Variants in PBX3 observed in about 807,000 individuals in gnomAD.
PBX3 encodes the protein PBX homeobox 3.
Under a neutral mutation model 48.5 loss-of-function variants are expected in PBX3, and 14 were observed. That is an observed-to-expected ratio of 0.29 (90% CI 0.19 to 0.45). The LOEUF (loss-of-function observed/expected upper bound fraction) is 0.45, where lower values mean the gene tolerates loss of function less well. Ranked by LOEUF, PBX3 falls within the 20% of genes least tolerant of loss-of-function variation. The pLI, the probability that PBX3 is intolerant of heterozygous loss-of-function variation, is 1.00. For missense variants in PBX3, 386 were observed against 546.7 expected (o/e 0.71, Z 2.93); for synonymous variants, 210 against 200.3 (o/e 1.05, Z -0.41).
intron 2 of PBX3, among the ~76,000 whole-genome samples, chr9:125,788,104 C>A (rs1367285928): frequency 6.6e-6 from 1 of 152,074 alleles, no homozygotes; most frequent in Non-Finnish European, 1.5e-5. Flanking sequence ...AGTTAATAAC[C>A]AACAGTGGAT....
intron 5 of PBX3, among the ~76,000 whole-genome samples, chr9:125,944,824 T>G (rs368226461): frequency 3.9e-5 from 6 of 152,282 alleles, no homozygotes; most frequent in East Asian, 3.9e-4. Flanking sequence ...CAGACAAGCC[T>G]GAACTAAAAC....
chr9:125,818,304 A>G (rs867847685), intron 2 of PBX3, among the ~76,000 whole-genome samples: 6 of 152,056 alleles, frequency 3.9e-5, no homozygotes, highest in African/African-American at 1.4e-4. Flanking sequence ...TGAAGTTTGA[A>G]AATGAGCCTT....
At chr9:125,855,303 T>C (rs1490584636) in intron 2 of PBX3, among the ~76,000 whole-genome samples, 2 of 152,088 alleles carry the variant, frequency 1.3e-5, no homozygotes, top group African/African-American at 4.8e-5. Context: ...TTTATTAACT[T>C]TTTTTTACAG....
chr9:125,751,449 A>G (rs989949675), intron 2 of PBX3, among the ~76,000 whole-genome samples: 6 of 152,342 alleles, frequency 3.9e-5, no homozygotes, highest in Admixed American at 3.9e-4. Flanking sequence ...ACCATATATG[A>G]AAAGGTATTT....
Position 125,929,710 on chromosome 9 carries a change from C to T in PBX3, c.572C>T (p.Thr191Ile). 1 of 1,613,602 alleles carries T rather than the reference C, an allele frequency of 6.2e-7. No homozygotes were observed. The highest frequency in any genetic ancestry group is 8.5e-7 in the Non-Finnish European group (1 of 1,179,740). The change falls in exon 4 of 9, where the codon ACA becomes ATA. Residue 191 changes from threonine to isoleucine, a missense_variant. Thr to Ile is a moderately conservative substitution (Grantham distance 89). Transcript: ENST00000373489. ...VMNLLREQSR[T>I]RPISPKEIER... ...AACCTTCTCCGAGAACAGAGTAGAA[C>T]ACGTCCCATTTCTCCAAAAGAGATT...
intron 3 of PBX3, among the ~76,000 whole-genome samples, chr9:125,925,562 T>C (rs1841557114): frequency 6.6e-6 from 1 of 152,156 alleles, no homozygotes. Flanking sequence ...CAAGTGATCC[T>C]CCTACCTCAG....
At chr9:125,837,991 A>G (rs556196736) in intron 2 of PBX3, among the ~76,000 whole-genome samples, 1 of 152,338 alleles carries the variant, frequency 6.6e-6, no homozygotes, top group African/African-American at 2.4e-5. Context: ...GTAGATAGAA[A>G]CATTTTAATA....
intron 2 of PBX3, among the ~76,000 whole-genome samples, chr9:125,852,883 C>CT (rs1306822717): frequency 6.6e-6 from 1 of 152,030 alleles, no homozygotes; most frequent in Non-Finnish European, 1.5e-5. Flanking sequence ...TAGTAATAGA[C>CT]TTTTTTGTTG....
rs755059483 is a variant in PBX3, at chr9:125,747,530, C to T, written c.77C>T (p.Ala26Val). 4 of 1,602,310 alleles carry T rather than the reference C, an allele frequency of 2.5e-6. No individual in the cohort carries two copies. The highest frequency in any genetic ancestry group is 2.2e-5 in the South Asian group (2 of 89,992). ...LAGHSVQGGM[A>V]LPPPPHGHEG... ...GGCCACTCGGTGCAGGGGGGCATGG[C>T]CCTGCCGCCTCCCCCGCACGGCCAC... Residue 26 changes from alanine (A) to valine (V), a missense_variant, in exon 1 of 9, where the codon GCC (alanine) becomes GTC (valine). Ala to Val is a moderately conservative substitution (Grantham distance 64). Transcript: ENST00000373489.
intron 2 of PBX3, among the ~76,000 whole-genome samples, chr9:125,836,956 T>C (rs1236393240): frequency 6.6e-6 from 1 of 152,240 alleles, no homozygotes; most frequent in Non-Finnish European, 1.5e-5. Context: ...ACAACCTTTC[T>C]TTGAGGGCAG....
At chr9:125,813,992 C>T (rs1247039547) in intron 2 of PBX3, among the ~76,000 whole-genome samples, 1 of 26,838 alleles carries the variant, frequency 3.7e-5, no homozygotes, top group Admixed American at 3.9e-4. Context: ...TGGTGAAACC[C>T]TGTATCTATT....
At chr9:125,805,098 G>C (rs1421044506) in intron 2 of PBX3, among the ~76,000 whole-genome samples, 1 of 152,098 alleles carries the variant, frequency 6.6e-6, no homozygotes, top group Non-Finnish European at 1.5e-5. Flanking sequence ...ACTTTAGATA[G>C]GTTGTTAAAA....
intron 2 of PBX3, among the ~76,000 whole-genome samples, chr9:125,894,720 TAGTC>T (rs747140995): frequency 1.3e-5 from 2 of 152,180 alleles, no homozygotes; most frequent in African/African-American, 4.8e-5. Context: ...TGGCAAATGA[TAGTC>T]AGAATGTATG....
chr9:125,798,946 A>G (rs1837861651), intron 2 of PBX3, among the ~76,000 whole-genome samples: 1 of 152,032 alleles, frequency 6.6e-6, no homozygotes, highest in Non-Finnish European at 1.5e-5. Context: ...ATTAATTTTA[A>G]AAAATAGCTA....
intron 2 of PBX3, among the ~76,000 whole-genome samples, chr9:125,878,389 A>T (rs1182885138): frequency 6.6e-6 from 1 of 152,222 alleles, no homozygotes; most frequent in African/African-American, 2.4e-5. Context: ...CTTGCATTGG[A>T]TGTCCATATA....
chr9:125,835,737 A>G (rs1208444373), intron 2 of PBX3, among the ~76,000 whole-genome samples: 1 of 152,156 alleles, frequency 6.6e-6, no homozygotes, highest in African/African-American at 2.4e-5. Flanking sequence ...ATGTAGAGAC[A>G]GGGGAACGTT....
chr9:125,944,012 C>T (rs1842017399), intron 5 of PBX3, among the ~76,000 whole-genome samples: 1 of 152,206 alleles, frequency 6.6e-6, no homozygotes, highest in African/African-American at 2.4e-5. Flanking sequence ...CCTGAGGGCA[C>T]CCAGGGCAGC....
Position 125,747,564 on chromosome 9 carries a change from G to A in PBX3, c.111G>A (p.Ala37=). 1 of 1,606,538 alleles carries A rather than the reference G, an allele frequency of 6.2e-7. No homozygotes were observed. The highest frequency in any genetic ancestry group is 8.5e-7 in the Non-Finnish European group (1 of 1,176,684). ...CTCCCCCGCACGGCCACGAAGGGGCGGACGGCGACGGCAGGAAGCAGGACA... is the reference window on the plus strand; with the variant it reads ...CTCCCCCGCACGGCCACGAAGGGGCAGACGGCGACGGCAGGAAGCAGGACA... The part of the protein sequence containing the change: ...LPPPPHGHEG[A]DGDGRKQDIG... Residue 37 remains alanine, a synonymous_variant, in exon 1 of 9, where the codon GCG becomes GCA. Coordinates refer to ENST00000373489, the MANE Select transcript of PBX3 (RefSeq NM_006195.6).
chr9:125,869,100 T>C (rs111813636), intron 2 of PBX3, among the ~76,000 whole-genome samples: 3 of 152,156 alleles, frequency 2.0e-5, no homozygotes, highest in Non-Finnish European at 4.4e-5. Flanking sequence ...AAATTCAAGA[T>C]TGAAAGTATG....
Sources: gnomAD v4.1 joint callset for allele counts (sites outside exome capture counted in the v4.1 genomes callset) on GRCh38, gnomAD v4.1.1 for gene constraint, MANE v1.5 for transcripts, NCBI Gene and HGNC (gene_info 2026-07-23, HGNC 2026-07-21) for gene names.